CREB5: variants seen among roughly 807,000 people sequenced by gnomAD.
The protein encoded by CREB5 is cAMP responsive element binding protein 5, also known as cyclic AMP-responsive element-binding protein 5.
A neutral mutation model predicts 57.1 loss-of-function variants in CREB5; 19 were observed. The observed-to-expected ratio is 0.33, with a 90% CI of 0.23 to 0.49. CREB5 has a LOEUF of 0.49. Ranked by LOEUF, CREB5 falls within the 20% of genes least tolerant of loss-of-function variation. The pLI is 0.99. For synonymous variants in CREB5, 238 were observed against 238.3 expected (o/e 1.00, Z 0.01); for missense variants, 579 against 671.6 (o/e 0.86, Z 1.52).
chr7:28,330,716 A>G (rs1402819141), intron 1 of CREB5, among the ~76,000 whole-genome samples: 1 of 151,832 alleles, frequency 6.6e-6, no homozygotes, highest in Non-Finnish European at 1.5e-5. Flanking sequence ...AGGTTCTTGT[A>G]TTTTCCTTCG....
chr7:28,327,174 C>G (rs1785625148), intron 1 of CREB5, among the ~76,000 whole-genome samples: 1 of 137,282 alleles, frequency 7.3e-6, no homozygotes, highest in Admixed American at 7.4e-5. Context: ...AAAAAGGAAA[C>G]CGTATTTAGT....
At chr7:28,427,011 A>AT (rs200168675) in intron 1 of CREB5, among the ~76,000 whole-genome samples, 1,896 of 152,300 alleles carry the variant, frequency 0.012, 18 homozygotes, top group Admixed American at 0.024. Flanking sequence ...CCCTAGGAAG[A>AT]TTTTTTAGGT....
intron 5 of CREB5, among the ~76,000 whole-genome samples, chr7:28,658,977 A>G (rs868169686): frequency 1.3e-4 from 17 of 128,758 alleles, no homozygotes; most frequent in African/African-American, 4.0e-4. Flanking sequence ...ATATATATAT[A>G]TATGTATATA....
intron 1 of CREB5, among the ~76,000 whole-genome samples, chr7:28,422,129 A>G (rs967814066): frequency 6.6e-6 from 1 of 152,096 alleles, no homozygotes; most frequent in African/African-American, 2.4e-5. Flanking sequence ...TATTTGACTC[A>G]GAAAGGAGGA....
chr7:28,481,737 T>C (rs1384426491), intron 1 of CREB5, among the ~76,000 whole-genome samples: 3 of 152,120 alleles, frequency 2.0e-5, no homozygotes, highest in African/African-American at 7.2e-5. Context: ...GTAAGAACAC[T>C]ACTGATAAAA....
intron 5 of CREB5, among the ~76,000 whole-genome samples, chr7:28,580,463 A>ACACACACACACACACACACAC (rs1554347479): frequency 6.8e-6 from 1 of 146,772 alleles, no homozygotes; most frequent in Non-Finnish European, 1.5e-5. Context: ...ACACACACAC[A>ACACACACACACACACACACAC]ATAGATAGCT....
chr7:28,695,536 C>T (rs1315595745), intron 5 of CREB5, among the ~76,000 whole-genome samples: 1 of 152,184 alleles, frequency 6.6e-6, no homozygotes, highest in Non-Finnish European at 1.5e-5. Flanking sequence ...GAGAGGGGTG[C>T]AGAGGCCACA....
intron 1 of CREB5, among the ~76,000 whole-genome samples, chr7:28,342,732 GA>G (rs146953998): frequency 6.6e-6 from 1 of 151,970 alleles, no homozygotes; most frequent in African/African-American, 2.4e-5. Flanking sequence ...ATTACAGGAG[GA>G]AAAAAACCAT....
intron 1 of CREB5, among the ~76,000 whole-genome samples, chr7:28,340,225 CCA>C (rs1026725203): frequency 3.3e-5 from 5 of 151,638 alleles, no homozygotes; most frequent in Non-Finnish European, 7.4e-5. Context: ...CTCATAGCCA[CCA>C]CAGTTAGGAA....
intron 7 of CREB5, among the ~76,000 whole-genome samples, chr7:28,756,794 A>G (rs112800960): frequency 2.4e-4 from 37 of 152,324 alleles, no homozygotes; most frequent in African/African-American, 8.4e-4. Flanking sequence ...ACATGCTTTA[A>G]CTAATGTTCA....
At chr7:28,395,053 G>C (rs1787309292) in intron 1 of CREB5, among the ~76,000 whole-genome samples, 1 of 151,974 alleles carries the variant, frequency 6.6e-6, no homozygotes. Context: ...TTCCCTGGGG[G>C]TCTTAGGAGA....
intron 5 of CREB5, among the ~76,000 whole-genome samples, chr7:28,668,260 A>G (rs1799902067): frequency 6.6e-6 from 1 of 152,254 alleles, no homozygotes; most frequent in African/African-American, 2.4e-5. Context: ...TAAAAGATAT[A>G]TAAGAAAACT....
At chr7:28,442,148 A>T (rs1471779301) in intron 1 of CREB5, among the ~76,000 whole-genome samples, 1 of 152,098 alleles carries the variant, frequency 6.6e-6, no homozygotes, top group South Asian at 2.1e-4. Flanking sequence ...GAGATTAAAC[A>T]AAATTTTTTT....
intron 1 of CREB5, among the ~76,000 whole-genome samples, chr7:28,445,527 C>T (rs1200912871): frequency 6.6e-6 from 1 of 151,536 alleles, no homozygotes. Context: ...GAAAGTGGGT[C>T]CCGGGAGCCA....
chr7:28,783,457 A>G (rs1353457548), intron 7 of CREB5, among the ~76,000 whole-genome samples: 1 of 152,208 alleles, frequency 6.6e-6, no homozygotes, highest in African/African-American at 2.4e-5. Context: ...TTTGTAAAGC[A>G]CTTTATTTGT....
chr7:28,655,780 T>C (rs1799311234), intron 5 of CREB5, among the ~76,000 whole-genome samples: 1 of 152,236 alleles, frequency 6.6e-6, no homozygotes, highest in Non-Finnish European at 1.5e-5. Context: ...TTAGTTTTCA[T>C]AATGGTACCA....
chr7:28,424,760 G>C (rs1788427908), intron 1 of CREB5, among the ~76,000 whole-genome samples: 1 of 152,106 alleles, frequency 6.6e-6, no homozygotes, highest in Non-Finnish European at 1.5e-5. Flanking sequence ...TTACTGACAA[G>C]GACAAAAATC....
At position 28,308,975 on chromosome 7, in the gene CREB5, C is replaced by A. The variant is rs181848524; in HGVS notation, c.-25+9534C>A. On this transcript the variant is annotated intron_variant, in intron 1 of 9. Coordinates refer to the CREB5 transcript ENST00000396299. ...CTTCCATAATGTAGGTGGGCCTCAACCAATCAGCTGAGTAGAACAAAAAGA... is the reference window on the plus strand; with the variant it reads ...CTTCCATAATGTAGGTGGGCCTCAAACAATCAGCTGAGTAGAACAAAAAGA... Among the ~76,000 whole-genome samples, 4 of 152,260 alleles carry A rather than the reference C, an allele frequency of 2.6e-5. No homozygotes were observed. The East Asian group carries it at 7.7e-4, about 29-fold the overall frequency.
intron 1 of CREB5, among the ~76,000 whole-genome samples, chr7:28,306,848 A>G (rs1031121030): frequency 6.6e-6 from 1 of 152,126 alleles, no homozygotes; most frequent in Non-Finnish European, 1.5e-5. Context: ...GGCGTGAGCC[A>G]CCGCGCCCGG....
Sources: allele counts gnomAD v4.1 joint callset (sites outside exome capture counted in the v4.1 genomes callset), GRCh38; gene constraint gnomAD v4.1.1; transcripts MANE v1.5; gene names NCBI Gene and HGNC (gene_info 2026-07-23, HGNC 2026-07-21).